Variants in IL1RAPL1 observed in about 807,000 individuals in gnomAD.
IL1RAPL1 encodes the protein interleukin 1 receptor accessory protein like 1, also known as interleukin-1 receptor accessory protein-like 1.
IL1RAPL1 carries 3 observed loss-of-function variants against 48.4 expected under a neutral mutation model. That is an observed-to-expected ratio of 0.06 (90% CI 0.03 to 0.16). IL1RAPL1 has a LOEUF of 0.16. Among genes scored for constraint, IL1RAPL1 ranks in the 10% least tolerant of loss-of-function variants. IL1RAPL1 has a pLI of 1.00. For missense variants in IL1RAPL1, 349 were observed against 530.6 expected (o/e 0.66, Z 3.36); for synonymous variants, 185 against 187.7 (o/e 0.99, Z 0.12).
In IL1RAPL1 at chrX:28,862,935, C is replaced by A. The variant is rs570450570; in HGVS notation, c.82+73510C>A. Among the ~76,000 whole-genome samples the A allele has an allele frequency of 1.1e-4, 12 of 109,601 alleles. No individual in the cohort carries two copies. In the South Asian group the frequency reaches 4.7e-3, roughly 43 times the overall value. ...TCACTCTGTTGCCCAGTCTGGAGTG[C>A]AGTGGGAATGATCTTGGCTCACGGC... On this transcript the variant is annotated intron_variant, in intron 2 of 10. Coordinates refer to ENST00000378993, the MANE Select transcript of IL1RAPL1 (RefSeq NM_014271.4).
intron 5 of IL1RAPL1, among the ~76,000 whole-genome samples, chrX:29,586,553 T>C (rs1923169330): frequency 9.0e-6 from 1 of 111,667 alleles, no homozygotes; most frequent in Non-Finnish European, 1.9e-5. Context: ...AATTGTAGAA[T>C]TTTTTTTACC....
At chrX:29,953,152 G>C (rs1308123742) in intron 9 of IL1RAPL1, among the ~76,000 whole-genome samples, 1 of 111,633 alleles carries the variant, frequency 9.0e-6, no homozygotes, top group African/African-American at 3.2e-5. Context: ...TTAATGCAGA[G>C]TTCATTTTAT....
chrX:29,793,987 G>A (rs1209199895), intron 6 of IL1RAPL1, among the ~76,000 whole-genome samples: 2 of 112,047 alleles, frequency 1.8e-5, no homozygotes, highest in African/African-American at 6.5e-5. Context: ...ATGTTTGTCT[G>A]TGTGTGTGTA....
chrX:29,244,130 G>A (rs1931468741), intron 2 of IL1RAPL1, among the ~76,000 whole-genome samples: 1 of 111,972 alleles, frequency 8.9e-6, no homozygotes, highest in African/African-American at 3.2e-5. Flanking sequence ...CAGTCTTCCT[G>A]ACACTGATGC....
At chrX:29,452,348 G>A (rs945575033) in intron 5 of IL1RAPL1, among the ~76,000 whole-genome samples, 3 of 111,770 alleles carry the variant, frequency 2.7e-5, no homozygotes, top group Non-Finnish European at 5.6e-5. Context: ...GCCCATTCCA[G>A]TGAGGTCATC....
At chrX:29,002,496 G>T in intron 2 of IL1RAPL1, among the ~76,000 whole-genome samples, 1 of 108,545 alleles carries the variant, frequency 9.2e-6, no homozygotes, top group Non-Finnish European at 1.9e-5. Flanking sequence ...AATTCAGTAA[G>T]CTTGGGATTT....
At chrX:29,327,507 T>G (rs952901156) in intron 3 of IL1RAPL1, among the ~76,000 whole-genome samples, 15 of 103,114 alleles carry the variant, frequency 1.5e-4, no homozygotes, top group Non-Finnish European at 7.9e-5. Flanking sequence ...TATTTATTAC[T>G]TTTTTGAATA....
chrX:29,130,208 A>T (rs1928991759), intron 2 of IL1RAPL1, among the ~76,000 whole-genome samples: 1 of 112,178 alleles, frequency 8.9e-6, no homozygotes. Flanking sequence ...ATTCAGCAGT[A>T]CATTCCTTTG....
At chrX:29,828,110 G>T (rs754209318) in intron 6 of IL1RAPL1, among the ~76,000 whole-genome samples, 1 of 111,944 alleles carries the variant, frequency 8.9e-6, no homozygotes, top group Admixed American at 9.5e-5. Flanking sequence ...AAGGCCCAAA[G>T]GCTGGGAGAA....
At chrX:29,021,175 T>G (rs1258209503) in intron 2 of IL1RAPL1, among the ~76,000 whole-genome samples, 2 of 87,210 alleles carry the variant, frequency 2.3e-5, no homozygotes, top group African/African-American at 9.4e-5. Context: ...ATGGCGCCAC[T>G]GCACTCCAGC....
intron 5 of IL1RAPL1, among the ~76,000 whole-genome samples, chrX:29,557,512 T>TTG (rs1453330185): frequency 8.0e-5 from 9 of 111,841 alleles, no homozygotes; most frequent in East Asian, 5.6e-4. Flanking sequence ...TAGCCATATT[T>TTG]TGTGTGTGTG....
intron 5 of IL1RAPL1, among the ~76,000 whole-genome samples, chrX:29,656,411 G>A (rs185316867): frequency 3.2e-4 from 35 of 110,261 alleles, no homozygotes; most frequent in African/African-American, 9.9e-4. Context: ...CTTTAATCCC[G>A]CACTCCCCTC....
At chrX:28,764,420 C>A (rs1936211688) in intron 1 of IL1RAPL1, among the ~76,000 whole-genome samples, 1 of 111,483 alleles carries the variant, frequency 9.0e-6, no homozygotes, top group South Asian at 3.7e-4. Flanking sequence ...AAAAAACATA[C>A]AGCCGGATGC....
intron 5 of IL1RAPL1, among the ~76,000 whole-genome samples, chrX:29,464,826 G>A (rs1934843906): frequency 8.9e-6 from 1 of 111,940 alleles, no homozygotes; most frequent in South Asian, 3.8e-4. Flanking sequence ...AACTAACACA[G>A]CAACAGAAAA....
intron 5 of IL1RAPL1, among the ~76,000 whole-genome samples, chrX:29,643,041 A>G (rs1266071242): frequency 8.9e-6 from 1 of 112,650 alleles, no homozygotes; most frequent in East Asian, 2.8e-4. Flanking sequence ...AATTAAATTA[A>G]TATATCACTA....
At chrX:29,488,690 T>C (rs1935124168) in intron 5 of IL1RAPL1, among the ~76,000 whole-genome samples, 1 of 110,298 alleles carries the variant, frequency 9.1e-6, no homozygotes, top group Non-Finnish European at 1.9e-5. Flanking sequence ...TGAGAGGTGG[T>C]GCATATATAA....
chrX:29,883,892 T>A lies in IL1RAPL1; in HGVS notation c.779-33572T>A, dbSNP rs182149107. Among the ~76,000 whole-genome samples, 718 of 112,229 alleles carry A rather than the reference T, an allele frequency of 6.4e-3. 2 individuals carry two copies. The highest frequency in any genetic ancestry group is 0.011 in the Non-Finnish European group (600 of 53,195). ...TAACATTTTCTAATTAAATACTGCATTGTGAACTCAATCGCATTGTACTCT... is the reference window on the plus strand; with the variant it reads ...TAACATTTTCTAATTAAATACTGCAATGTGAACTCAATCGCATTGTACTCT... On this transcript the variant is annotated intron_variant, in intron 6 of 10. Coordinates refer to ENST00000378993, the MANE Select transcript of IL1RAPL1 (RefSeq NM_014271.4).
At chrX:29,128,981 A>G (rs1456750181) in intron 2 of IL1RAPL1, among the ~76,000 whole-genome samples, 2 of 108,581 alleles carry the variant, frequency 1.8e-5, no homozygotes, top group African/African-American at 6.7e-5. Flanking sequence ...TTTCTGCCTT[A>G]CTATTTAAAA....
intron 3 of IL1RAPL1, among the ~76,000 whole-genome samples, chrX:29,326,763 A>G (rs1217997958): frequency 8.9e-6 from 1 of 111,774 alleles, no homozygotes; most frequent in African/African-American, 3.3e-5. Context: ...TATTATTTTC[A>G]TTGTCCAGTT....
Sources: gnomAD v4.1 joint callset for allele counts (sites outside exome capture counted in the v4.1 genomes callset) on GRCh38, gnomAD v4.1.1 for gene constraint, MANE v1.5 for transcripts, NCBI Gene and HGNC (gene_info 2026-07-23, HGNC 2026-07-21) for gene names.